Variants in TMPRSS6 observed in about 807,000 individuals in gnomAD.
The protein encoded by TMPRSS6 is transmembrane protease serine 6.
TMPRSS6 carries 67 observed loss-of-function variants against 101.5 expected under a neutral mutation model. That is an observed-to-expected ratio of 0.66 (90% CI 0.54 to 0.81). TMPRSS6 has a LOEUF of 0.81. TMPRSS6 is among the 30% of genes least tolerant of loss of function. The pLI is 0.00. For synonymous variants in TMPRSS6, 453 were observed against 464.9 expected, an observed-to-expected ratio of 0.97 and a Z score of 0.33; for missense variants, 1,034 against 1,088.7, an observed-to-expected ratio of 0.95 and a Z score of 0.71.
At chr22:37,078,890 A>G (rs1159399091) in intron 10 of TMPRSS6, among the ~76,000 whole-genome samples, 1 of 149,112 alleles carries the variant, frequency 6.7e-6, no homozygotes, top group Non-Finnish European at 1.5e-5. Context: ...AGAAGGGAAA[A>G]GGAGAATAAG....
chr22:37,079,659 G>C (rs1323244502), intron 10 of TMPRSS6, among the ~76,000 whole-genome samples: 1 of 152,226 alleles, frequency 6.6e-6, no homozygotes, highest in Non-Finnish European at 1.5e-5. Context: ...GGAACAAGCT[G>C]TGTGACCTTG....
chr22:37,109,919 G>A (rs1266483692), upstream of TMPRSS6, among the ~76,000 whole-genome samples: 1 of 152,072 alleles, frequency 6.6e-6, no homozygotes, highest in African/African-American at 2.4e-5. Flanking sequence ...AAGGACTGGG[G>A]ACTGTGCAGA....
intron 6 of TMPRSS6, among the ~76,000 whole-genome samples, chr22:37,094,760 C>T (rs113892126): frequency 4.3e-4 from 66 of 152,234 alleles, no homozygotes; most frequent in African/African-American, 1.5e-3. Context: ...GATGGGAAGA[C>T]GGGAAGGTAA....
chr22:37,079,734 G>T (rs1354437386), intron 10 of TMPRSS6, among the ~76,000 whole-genome samples: 1 of 152,228 alleles, frequency 6.6e-6, no homozygotes, highest in Non-Finnish European at 1.5e-5. Flanking sequence ...CTCCCTTGTG[G>T]CATGGTTTAA....
In TMPRSS6 at chr22:37,095,585, A is replaced by G. The variant is rs1438479587; in HGVS notation, c.597T>C (p.Ser199=). The change falls in exon 6 of 18, where the codon AGT becomes AGC. Residue 199 remains serine, a synonymous_variant. Coordinates refer to ENST00000676104, the MANE Select transcript of TMPRSS6 (RefSeq NM_001374504.1). The part of the protein sequence containing the change: ...DPEGLVILEA[S]VKDIAALNST... ...AATTCAATGCAGCTATGTCTTTCAC[A>G]CTGGCTTCTGATAAAAGGAAATGAA... is the stretch of plus-strand genomic sequence containing the variant. The G allele has an allele frequency of 1.2e-6, 2 of 1,611,204 alleles. No individual in the cohort carries two copies. Among genetic ancestry groups the G allele is most frequent in the African/African-American group, 1.3e-5 (1 of 74,698 alleles).
intron 6 of TMPRSS6, 101 bp from the exon 7 acceptor site, chr22:37,089,883 C>T (rs745828655): frequency 1.6e-5 from 20 of 1,256,180 alleles, no homozygotes; most frequent in Non-Finnish European, 2.2e-5. Context: ...GCAGGATGGG[C>T]TGGGCAGGGG....
At chr22:37,091,349 G>T (rs1929244388) in intron 6 of TMPRSS6, among the ~76,000 whole-genome samples, 1 of 152,156 alleles carries the variant, frequency 6.6e-6, no homozygotes, top group South Asian at 2.1e-4. Flanking sequence ...CGTCTTCTTT[G>T]GAAGGCCACA....
chr22:37,109,967 G>A (rs1930964718), upstream of TMPRSS6, among the ~76,000 whole-genome samples: 1 of 152,060 alleles, frequency 6.6e-6, no homozygotes. Flanking sequence ...ACAAGGGTGA[G>A]TCCAGGTGCT....
At chr22:37,096,240 C>T (rs942545026) in intron 4 of TMPRSS6, 150 bp from the exon 5 acceptor site, 20 of 877,020 alleles carry the variant, frequency 2.3e-5, no homozygotes, top group Admixed American at 1.2e-4. Flanking sequence ...CTGAAGGAGG[C>T]GCTCTCATAA....
intron 7 of TMPRSS6, among the ~76,000 whole-genome samples, chr22:37,088,607 C>T (rs1483584904): frequency 6.6e-6 from 1 of 152,088 alleles, no homozygotes; most frequent in African/African-American, 2.4e-5. Context: ...TCCTCCCCAC[C>T]CCCAACCACC....
chr22:37,092,788 G>T (rs1453598467), intron 6 of TMPRSS6, among the ~76,000 whole-genome samples: 1 of 152,194 alleles, frequency 6.6e-6, no homozygotes, highest in Non-Finnish European at 1.5e-5. Context: ...GTGCCACCAC[G>T]CCCGGCCCAT....
At chr22:37,098,339 G>A in intron 3 of TMPRSS6, 77 bp downstream of exon 3, 1 of 1,607,746 alleles carries the variant, frequency 6.2e-7, no homozygotes, top group African/African-American at 1.3e-5. Flanking sequence ...TGACCAACTG[G>A]CTCCATGTGA....
chr22:37,103,164 G>C lies in TMPRSS6; in HGVS notation c.202+52C>G. 1 of 1,590,768 alleles carries C rather than the reference G, an allele frequency of 6.3e-7. No individual in the cohort carries two copies. Among genetic ancestry groups the C allele is most frequent in the South Asian group, 1.1e-5 (1 of 90,566 alleles). On this transcript the variant is annotated intron_variant, in intron 2 of 17. Coordinates refer to ENST00000676104, the MANE Select transcript of TMPRSS6 (RefSeq NM_001374504.1). The surrounding 1 kb of genome is among the most constrained non-coding windows in gnomAD (Gnocchi z 4.4). ...GTCCTGTCCTGCTGTGCCTGCTACA[G>C]TCACCCCAAGTCCTCCCCAGGTGCC...
Position 37,073,393 on chromosome 22 carries a change from T to TG in TMPRSS6, c.1555+138dup, listed in dbSNP as rs1214644826. 2.7e-5 allele frequency: 17 copies of TG among 622,838 alleles called. 1 individual carries two copies. The highest frequency in any genetic ancestry group is 1.2e-4 in the Admixed American group (5 of 41,634). 38.6% of individuals were successfully genotyped at this position (622,838 alleles called of 1,614,324 possible). A position where few individuals can be genotyped will look rare whatever the true frequency, so the allele number is the denominator to read the frequency against. ...ATGGATGGATGGATGGATGGATGGA[T>TG]GAATGGACAGACATACAGATGTAAA... is the stretch of plus-strand genomic sequence containing the variant. On this transcript the variant is annotated intron_variant, in intron 13 of 17. Transcript: ENST00000676104.
intron 10 of TMPRSS6, among the ~76,000 whole-genome samples, chr22:37,079,301 C>T (rs951709274): frequency 6.6e-6 from 1 of 152,138 alleles, no homozygotes; most frequent in African/African-American, 2.4e-5. Flanking sequence ...ATTTTTGCAC[C>T]GTGTGGCCTG....
chr22:37,086,652 G>A (rs1214778851), intron 7 of TMPRSS6, among the ~76,000 whole-genome samples: 1 of 152,144 alleles, frequency 6.6e-6, no homozygotes, highest in African/African-American at 2.4e-5. Context: ...GGGTGAGAGA[G>A]GCCAGGAGGT....
chr22:37,096,980 A>G (rs1929821110), intron 3 of TMPRSS6, among the ~76,000 whole-genome samples: 1 of 152,066 alleles, frequency 6.6e-6, no homozygotes, highest in Non-Finnish European at 1.5e-5. Flanking sequence ...GCCCCTTGCC[A>G]AAAGTCACTC....
rs746325751 is a variant in TMPRSS6, at chr22:37,066,066, A to AG, written c.*13dup. On this transcript the variant is annotated 3_prime_UTR_variant, in exon 18 of 18. Transcript: ENST00000676104. ...GTCCAGGAGGTGGGCCCTGCTTTGC[A>AG]GGGGGGCAGTTCCTCAGGTCACCAC... 11 of 1,613,058 alleles carry AG rather than the reference A, an allele frequency of 6.8e-6. No individual in the cohort carries two copies. The highest frequency in any genetic ancestry group is 1.7e-5 in the Admixed American group (1 of 60,002).
At chr22:37,093,399 T>A (rs1412360692) in intron 6 of TMPRSS6, among the ~76,000 whole-genome samples, 1 of 130,740 alleles carries the variant, frequency 7.6e-6, no homozygotes, top group East Asian at 2.2e-4. Flanking sequence ...TTTTTTTTTT[T>A]TTTTTTTTTT....
Sources: gnomAD v4.1 joint callset for allele counts (sites outside exome capture counted in the v4.1 genomes callset) on GRCh38, gnomAD v4.1.1 for gene constraint, Gnocchi (gnomAD v3.1) non-coding constraint, MANE v1.5 for transcripts, NCBI Gene and HGNC (gene_info 2026-07-23, HGNC 2026-07-21) for gene names.